HS6ST3: variants seen among roughly 807,000 people sequenced by gnomAD.
HS6ST3 encodes heparan sulfate 6-O-sulfotransferase 3.
In HS6ST3, 12 loss-of-function variants were observed where a neutral mutation model predicts 36.7. The ratio of observed to expected loss-of-function variants is 0.33; its 90% CI spans 0.21 to 0.53. The LOEUF (loss-of-function observed/expected upper bound fraction) is 0.53. Among genes scored for constraint, HS6ST3 ranks in the 20% least tolerant of loss-of-function variants. HS6ST3 has a pLI of 0.95. For synonymous variants in HS6ST3, 240 were observed against 257.5 expected (o/e 0.93, Z 0.65); for missense variants, 584 against 640.9 (o/e 0.91, Z 0.96).
chr13:96,236,485 T>A (rs1349249321), intron 1 of HS6ST3, among the ~76,000 whole-genome samples: 4 of 151,864 alleles, frequency 2.6e-5, no homozygotes, highest in Admixed American at 2.6e-4. Flanking sequence ...TGCCACTCTC[T>A]CTTCACTTTC....
intron 1 of HS6ST3, among the ~76,000 whole-genome samples, chr13:96,440,960 C>T (rs1035123613): frequency 6.6e-5 from 10 of 152,108 alleles, no homozygotes; most frequent in Non-Finnish European, 1.0e-4. Flanking sequence ...AAACCCTAAC[C>T]CCATGGGATG....
chr13:96,145,400 G>A (rs1321261341), intron 1 of HS6ST3, among the ~76,000 whole-genome samples: 1 of 151,606 alleles, frequency 6.6e-6, no homozygotes, highest in Non-Finnish European at 1.5e-5. Flanking sequence ...TTCTCTGATG[G>A]CCAGTGATGA....
intron 1 of HS6ST3, among the ~76,000 whole-genome samples, chr13:96,759,091 T>C (rs889977112): frequency 1.3e-4 from 20 of 152,020 alleles, no homozygotes; most frequent in African/African-American, 4.6e-4. Context: ...GAGTTTACTT[T>C]GTCTTACATT....
chr13:96,366,752 C>T (rs1490350017), intron 1 of HS6ST3, among the ~76,000 whole-genome samples: 1 of 152,130 alleles, frequency 6.6e-6, no homozygotes, highest in Non-Finnish European at 1.5e-5. Context: ...TATGGTTTGG[C>T]TGTGTCCCCA....
chr13:96,385,979 G>A (rs924531043), intron 1 of HS6ST3, among the ~76,000 whole-genome samples: 1 of 152,074 alleles, frequency 6.6e-6, no homozygotes, highest in Non-Finnish European at 1.5e-5. Flanking sequence ...ACAAACCAAA[G>A]CTCCAGCATG....
chr13:96,371,403 T>C (rs543192574), intron 1 of HS6ST3, among the ~76,000 whole-genome samples: 35 of 152,320 alleles, frequency 2.3e-4, no homozygotes, highest in South Asian at 1.7e-3. Flanking sequence ...CAATGTGACA[T>C]GATTACCACA....
chr13:96,552,843 A>C (rs2138949634), intron 1 of HS6ST3, among the ~76,000 whole-genome samples: 1 of 152,292 alleles, frequency 6.6e-6, no homozygotes, highest in East Asian at 1.9e-4. Context: ...GACAGGGGGA[A>C]GGGGATTAGT....
intron 1 of HS6ST3, among the ~76,000 whole-genome samples, chr13:96,659,913 TTATTA>T (rs1208311781): frequency 6.6e-6 from 1 of 152,136 alleles, no homozygotes; most frequent in Non-Finnish European, 1.5e-5. Context: ...TTTTTAGCAC[TTATTA>T]TATTAGGGTT....
chr13:96,709,584 CAA>C (rs760686546), intron 1 of HS6ST3, among the ~76,000 whole-genome samples: 2 of 152,078 alleles, frequency 1.3e-5, no homozygotes, highest in Non-Finnish European at 2.9e-5. Context: ...TAGGAAGAAA[CAA>C]GAGAGAGATG....
intron 1 of HS6ST3, among the ~76,000 whole-genome samples, chr13:96,326,640 G>A (rs1049586725): frequency 3.3e-5 from 5 of 152,056 alleles, no homozygotes; most frequent in Admixed American, 1.3e-4. Flanking sequence ...ATAAACATCC[G>A]TGTGCATGTG....
intron 1 of HS6ST3, among the ~76,000 whole-genome samples, chr13:96,641,744 T>C (rs150876091): frequency 6.6e-6 from 1 of 151,854 alleles, no homozygotes; most frequent in Non-Finnish European, 1.5e-5. Context: ...TGGATTTATA[T>C]CAACATAGTT....
chr13:96,559,262 G>A (rs1466040827), intron 1 of HS6ST3, among the ~76,000 whole-genome samples: 2 of 151,308 alleles, frequency 1.3e-5, no homozygotes, highest in East Asian at 1.9e-4. Context: ...GACTATAGAC[G>A]CCCCCCCCAC....
intron 1 of HS6ST3, among the ~76,000 whole-genome samples, chr13:96,204,004 A>C (rs976056365): frequency 2.0e-5 from 3 of 152,218 alleles, no homozygotes; most frequent in Non-Finnish European, 4.4e-5. Context: ...ATCAAAAGGA[A>C]ACAAGTTGAA....
At chr13:96,166,185 A>G (rs2054159383) in intron 1 of HS6ST3, among the ~76,000 whole-genome samples, 1 of 152,024 alleles carries the variant, frequency 6.6e-6, no homozygotes, top group South Asian at 2.1e-4. Flanking sequence ...AGCCTCCTGA[A>G]TATCTGGGGC....
At chr13:96,298,122 G>A (rs972589775) in intron 1 of HS6ST3, among the ~76,000 whole-genome samples, 10 of 152,154 alleles carry the variant, frequency 6.6e-5, no homozygotes, top group African/African-American at 1.4e-4. Context: ...TAGATATGTT[G>A]TATTTAGATA....
chr13:96,267,887 G>T (rs1042791813), intron 1 of HS6ST3, among the ~76,000 whole-genome samples: 3 of 151,774 alleles, frequency 2.0e-5, no homozygotes, highest in Non-Finnish European at 4.4e-5. Context: ...TGATAGGAAG[G>T]ACTAAACATG....
intron 1 of HS6ST3, among the ~76,000 whole-genome samples, chr13:96,609,594 G>A: frequency 6.6e-6 from 1 of 152,122 alleles, no homozygotes; most frequent in Admixed American, 6.5e-5. Context: ...TGTCAGTCAA[G>A]GCAGTGCTAT....
chr13:96,409,763 G>A (rs2055497940), intron 1 of HS6ST3, among the ~76,000 whole-genome samples: 1 of 152,150 alleles, frequency 6.6e-6, no homozygotes, highest in South Asian at 2.1e-4. Context: ...ACACCAAGAA[G>A]TGAACTGACT....
intron 1 of HS6ST3, among the ~76,000 whole-genome samples, chr13:96,826,206 A>G (rs537332532): frequency 6.6e-6 from 1 of 152,284 alleles, no homozygotes; most frequent in South Asian, 2.1e-4. Flanking sequence ...TGTGTTGACT[A>G]TTTCACTCCA....
Sources: allele counts gnomAD v4.1 joint callset (sites outside exome capture counted in the v4.1 genomes callset), GRCh38; gene constraint gnomAD v4.1.1; transcripts MANE v1.5; gene names NCBI Gene and HGNC (gene_info 2026-07-23, HGNC 2026-07-21).